The following SPECC1 variants were observed in gnomAD, a reference collection of about 807,000 sequenced individuals.
SPECC1 encodes the protein sperm antigen with calponin homology and coiled-coil domains 1, also known as cytospin-B.
A neutral mutation model predicts 104.1 loss-of-function variants in SPECC1; 62 were observed. The ratio of observed to expected loss-of-function variants is 0.60; its 90% CI spans 0.49 to 0.74. The LOEUF is 0.74. SPECC1 is among the 30% of genes least tolerant of loss of function. The pLI is 0.00. For missense variants in SPECC1, 1,306 were observed against 1,310.5 expected, an observed-to-expected ratio of 1.00 and a Z score of 0.05; for synonymous variants, 513 against 501.6, an observed-to-expected ratio of 1.02 and a Z score of -0.30.
At chr17:20,244,272 A>G (rs776403911) in intron 7 of SPECC1, among the ~76,000 whole-genome samples, 1 of 152,168 alleles carries the variant, frequency 6.6e-6, no homozygotes, top group Non-Finnish European at 1.5e-5. Context: ...GATGACCTTC[A>G]TGAGAATGGC....
intron 1 of SPECC1, among the ~76,000 whole-genome samples, chr17:20,014,114 G>C (rs1230228755): frequency 6.6e-6 from 1 of 152,176 alleles, no homozygotes; most frequent in African/African-American, 2.4e-5. Flanking sequence ...CCACATTCTT[G>C]CCAACTCTTG....
intron 12 of SPECC1, among the ~76,000 whole-genome samples, chr17:20,291,751 G>A (rs2041172715): frequency 1.3e-5 from 2 of 151,892 alleles, no homozygotes; most frequent in Non-Finnish European, 2.9e-5. Context: ...CACCATGTTG[G>A]CCTGTCCGGT....
intron 1 of SPECC1, among the ~76,000 whole-genome samples, chr17:20,053,815 C>A (rs1349521915): frequency 6.6e-6 from 1 of 152,250 alleles, no homozygotes; most frequent in Non-Finnish European, 1.5e-5. Flanking sequence ...CAGAACCAGC[C>A]AGCTAAGCCT....
intron 4 of SPECC1, among the ~76,000 whole-genome samples, chr17:20,208,935 G>T (rs2036959540): frequency 6.6e-6 from 1 of 152,080 alleles, no homozygotes; most frequent in Non-Finnish European, 1.5e-5. Context: ...TGGGTAGCTG[G>T]GACTGCAGCC....
chr17:20,018,777 A>G (rs1450163436), intron 1 of SPECC1, among the ~76,000 whole-genome samples: 1 of 152,204 alleles, frequency 6.6e-6, no homozygotes, highest in Non-Finnish European at 1.5e-5. Context: ...GTCACACAGG[A>G]TGTATGTGCT....
chr17:20,135,842 C>A (rs377235127), intron 3 of SPECC1, among the ~76,000 whole-genome samples: 9 of 152,124 alleles, frequency 5.9e-5, no homozygotes, highest in East Asian at 5.8e-4. Context: ...GTAGTCAATG[C>A]AGTAATGAGA....
At chr17:20,094,143 GA>G (rs2047535834) in intron 1 of SPECC1, among the ~76,000 whole-genome samples, 2 of 152,248 alleles carry the variant, frequency 1.3e-5, no homozygotes, top group South Asian at 4.1e-4. Context: ...GAATGAAGCC[GA>G]AGATGCTCAG....
chr17:20,075,782 CA>C (rs2046736842), intron 1 of SPECC1, among the ~76,000 whole-genome samples: 1 of 151,868 alleles, frequency 6.6e-6, no homozygotes, highest in South Asian at 2.1e-4. Context: ...CTCATCTTTA[CA>C]AAAAAATCAA....
rs929372720 is a variant in SPECC1 at position 20,190,571 on chromosome 17, A to G, written c.284-13762A>G. ...TTCCTATAGTGTACTCCTGTTCCCA[A>G]ACACACTCAGCCTCCTCATTATCAA... On this transcript the variant is annotated intron_variant, in intron 3 of 14. Coordinates refer to ENST00000395527, the MANE Select transcript of SPECC1 (RefSeq NM_001243439.2). Among the ~76,000 whole-genome samples the G allele has an allele frequency of 8.5e-5, 13 of 152,178 alleles. 1 individual carries two copies. Among genetic ancestry groups the G allele is most frequent in the South Asian group, 8.3e-4 (4 of 4,822 alleles).
At chr17:20,247,035 A>T (rs1291550044) in intron 8 of SPECC1, among the ~76,000 whole-genome samples, 184 bp from the exon 9 acceptor site, 1 of 152,216 alleles carries the variant, frequency 6.6e-6, no homozygotes, top group African/African-American at 2.4e-5. Flanking sequence ...CACTCAGCTA[A>T]ATCTTCCCTT....
At chr17:20,232,134 G>C (rs1029472603) in intron 6 of SPECC1, 66 bp from the exon 7 acceptor site, 25 of 1,579,446 alleles carry the variant, frequency 1.6e-5, no homozygotes, top group Non-Finnish European at 2.2e-5. Context: ...CGGGGACTCT[G>C]GGGTCCCTGC....
chr17:20,046,233 AC>A (rs2045534820), intron 1 of SPECC1, among the ~76,000 whole-genome samples: 1 of 152,192 alleles, frequency 6.6e-6, no homozygotes, highest in African/African-American at 2.4e-5. Context: ...GATTTGAGCC[AC>A]AGTGCCTGGC....
intron 3 of SPECC1, among the ~76,000 whole-genome samples, chr17:20,131,884 A>T (rs2049660619): frequency 6.6e-6 from 1 of 151,982 alleles, no homozygotes; most frequent in Admixed American, 6.6e-5. Context: ...TCCTGAGCTC[A>T]GGCAATCCCC....
chr17:20,209,773 T>C (rs973048230), intron 4 of SPECC1, among the ~76,000 whole-genome samples: 1 of 152,222 alleles, frequency 6.6e-6, no homozygotes, highest in Non-Finnish European at 1.5e-5. Context: ...GATTGTTGTT[T>C]TTCCAGACAA....
intron 9 of SPECC1, among the ~76,000 whole-genome samples, chr17:20,251,963 C>T (rs1483178437): frequency 2.0e-5 from 3 of 152,134 alleles, no homozygotes; most frequent in Non-Finnish European, 4.4e-5. Context: ...TGGCACTTCT[C>T]AGAGGAAGCT....
rs1567588953 is a variant in SPECC1, at chr17:20,260,301, GACA to G, written c.2940+11_2940+13del. On this transcript the variant is annotated splice_region_variant and intron_variant, in intron 12 of 14. Coordinates refer to ENST00000395527, the MANE Select transcript of SPECC1 (RefSeq NM_001243439.2). ...GAAGACACAAGGTTATGCGGTAAGG[GACA>G]ACATCAGCCAACTTCCAGCTGCCCC... 2 of 1,612,498 alleles carry G rather than the reference GACA, an allele frequency of 1.2e-6. No individual in the cohort carries two copies. Among genetic ancestry groups the G allele is most frequent in the South Asian group, 2.2e-5 (2 of 90,902 alleles).
intron 3 of SPECC1, among the ~76,000 whole-genome samples, chr17:20,157,730 A>G (rs1417671928): frequency 1.3e-5 from 2 of 152,222 alleles, no homozygotes; most frequent in African/African-American, 4.8e-5. Context: ...TAGGACATAA[A>G]AAGAATATGT....
chr17:20,061,520 A>T lies in SPECC1; in HGVS notation c.-21-35111A>T, dbSNP rs576675576. Reference sequence around the variant, plus strand: ...ATGGTAGAGGCCAGTCTGAGAGTGCACCTGGTAGATCCTTAAAGATGCAAC... The same window carrying T: ...ATGGTAGAGGCCAGTCTGAGAGTGCTCCTGGTAGATCCTTAAAGATGCAAC... On this transcript the variant is annotated intron_variant, in intron 1 of 14. Coordinates refer to ENST00000395527, the MANE Select transcript of SPECC1 (RefSeq NM_001243439.2). Among the ~76,000 whole-genome samples the T allele has an allele frequency of 2.0e-5, 3 of 152,336 alleles. No homozygotes were observed. The East Asian group carries it at 5.8e-4, about 29-fold the overall frequency.
chr17:20,253,714 G>A (rs1034013680), intron 10 of SPECC1, 128 bp downstream of exon 10: 115 of 847,756 alleles, frequency 1.4e-4, no homozygotes, highest in Non-Finnish European at 1.9e-4. Flanking sequence ...TTTCAACCCC[G>A]AATAATGTAC....
Sources: gnomAD v4.1 joint callset for allele counts (sites outside exome capture counted in the v4.1 genomes callset) on GRCh38, gnomAD v4.1.1 for gene constraint, MANE v1.5 for transcripts, NCBI Gene and HGNC (gene_info 2026-07-23, HGNC 2026-07-21) for gene names.